The following PFN4 variants were observed in gnomAD, a reference collection of about 807,000 sequenced individuals.
The protein encoded by PFN4 is profilin-4.
Under a neutral mutation model 16.3 loss-of-function variants are expected in PFN4, and 10 were observed. The ratio of observed to expected loss-of-function variants is 0.61; its 90% CI spans 0.38 to 1.04. The LOEUF (loss-of-function observed/expected upper bound fraction) is 1.04. PFN4 is among the 50% of genes least tolerant of loss of function. PFN4 has a pLI of 0.01. For synonymous variants in PFN4, 54 were observed against 56.9 expected (o/e 0.95, Z 0.23); for missense variants, 136 against 153.6 (o/e 0.89, Z 0.61).
In PFN4 at chr2:24,114,873, T is replaced by G. The variant is rs1422734650; in HGVS notation, c.*710A>C. On this transcript the variant is annotated 3_prime_UTR_variant, in exon 5 of 5. Coordinates refer to ENST00000313213, the MANE Select transcript of PFN4 (RefSeq NM_199346.3). ...GCATTTAGTGACCATACTGCCTTAC[T>G]AAGGTGTGCAGTGAGAGTTAGGGTT... 1.3e-5 allele frequency among the ~76,000 whole-genome samples: 2 copies of G among 152,190 alleles called. No homozygotes were observed. Among genetic ancestry groups the G allele is most frequent in the Admixed American group, 6.5e-5 (1 of 15,284 alleles).
chr2:24,120,562 AT>A (rs1455242098), intron 3 of PFN4, among the ~76,000 whole-genome samples: 2 of 139,436 alleles, frequency 1.4e-5, no homozygotes, highest in East Asian at 2.0e-4. Flanking sequence ...TTTTTTTAAA[AT>A]TTTTTTTTTG....
chr2:24,122,580 T>G (rs1373245343), intron 1 of PFN4, 33 bp from the exon 2 acceptor site: 2 of 1,343,290 alleles, frequency 1.5e-6, no homozygotes, highest in Non-Finnish European at 2.1e-6. Flanking sequence ...AGCCATTGAC[T>G]CTGGCTAGCT....
chr2:24,121,446 T>TA (rs1666116195), intron 2 of PFN4, 146 bp from the exon 3 acceptor site: 1 of 711,522 alleles, frequency 1.4e-6, no homozygotes, highest in Admixed American at 3.1e-5. Flanking sequence ...ATCAAAAGAA[T>TA]AACACTTCGT....
At chr2:24,118,403 C>T (rs751931162) in intron 4 of PFN4, among the ~76,000 whole-genome samples, 5 of 152,184 alleles carry the variant, frequency 3.3e-5, no homozygotes, top group South Asian at 2.1e-4. Flanking sequence ...AGCTCTCTGG[C>T]GCCTTCCCTG....
In PFN4 at chr2:24,121,207, A is replaced by G; in HGVS notation, c.211T>C (p.Tyr71His). 6.2e-7 allele frequency: 1 copy of G among 1,614,196 alleles called. No homozygotes were observed. The highest frequency in any genetic ancestry group is 1.3e-5 in the African/African-American group (1 of 75,056). The part of the protein sequence containing the change: ...REGLYFKGKD[Y>H]RCVRADEYSL... Reference sequence around the variant, plus strand: ...TATTCATCTGCCCGGACACATCTGTAATCTTTTCCCTTGAAATACAGTCCT... The same window carrying G: ...TATTCATCTGCCCGGACACATCTGTGATCTTTTCCCTTGAAATACAGTCCT... The change falls in exon 3 of 5, where the codon TAC (tyrosine) becomes CAC (histidine). Residue 71 changes from tyrosine to histidine, a missense_variant. Physicochemically the swap from Tyr to His is moderately conservative, Grantham distance 83 (BLOSUM62 2). Transcript: ENST00000313213.
chr2:24,118,214 T>C lies in PFN4; in HGVS notation c.361+1363A>G, dbSNP rs565407246. 3.9e-5 allele frequency among the ~76,000 whole-genome samples: 6 copies of C among 152,336 alleles called. No individual in the cohort carries two copies. The South Asian group carries it at 1.2e-3, about 32-fold the overall frequency. ...TAATTAGATAATTAACCTGGCTCTCTATGTCTCTGTTCTGCTCTCTGCTCC... is the reference window on the plus strand; with the variant it reads ...TAATTAGATAATTAACCTGGCTCTCCATGTCTCTGTTCTGCTCTCTGCTCC... On this transcript the variant is annotated intron_variant, in intron 4 of 4. Transcript: ENST00000313213.
At position 24,119,668 on chromosome 2, in the gene PFN4, C is replaced by T. The variant is rs1217668709; in HGVS notation, c.270G>A (p.Val90=). 1 of 1,611,210 alleles carries T rather than the reference C, an allele frequency of 6.2e-7. No homozygotes were observed. Among genetic ancestry groups the T allele is most frequent in the African/African-American group, 1.3e-5 (1 of 74,990 alleles). ...GATACAGATGGGTCTTCACGACAAC[C>T]ACACCAGTGTTCTCCTGTATAAAGA... ...SLYAKNENTG[V]VVVKTHLYLL... The change falls in exon 4 of 5, where the codon GTG becomes GTA. Residue 90 remains valine, a synonymous_variant. Transcript: ENST00000313213.
In PFN4 at chr2:24,114,827, G is replaced by T. The variant is rs917959147; in HGVS notation, c.*756C>A. Among the ~76,000 whole-genome samples, 3 of 152,198 alleles carry T rather than the reference G, an allele frequency of 2.0e-5. No homozygotes were observed. Among genetic ancestry groups the T allele is most frequent in the Non-Finnish European group, 4.4e-5 (3 of 68,040 alleles). On this transcript the variant is annotated 3_prime_UTR_variant, in exon 5 of 5. Transcript: ENST00000313213. ...ATCACCTAGGAGACCAAGAGGAGAT[G>T]AACTCTTTCTGGGGAAGGGTGCATT...
At chr2:24,117,800 G>C (rs796499964) in intron 4 of PFN4, among the ~76,000 whole-genome samples, 2 of 152,078 alleles carry the variant, frequency 1.3e-5, no homozygotes, top group South Asian at 4.1e-4. Context: ...TTTAGATAGA[G>C]AAAAATATTT....
At chr2:24,120,288 A>G (rs993719273) in intron 3 of PFN4, among the ~76,000 whole-genome samples, 4 of 151,318 alleles carry the variant, frequency 2.6e-5, no homozygotes, top group Non-Finnish European at 5.9e-5. Flanking sequence ...AACAACAACA[A>G]AACAAAACAA....
chr2:24,119,401 C>T (rs552753030), intron 4 of PFN4, among the ~76,000 whole-genome samples, 176 bp downstream of exon 4: 1 of 152,306 alleles, frequency 6.6e-6, no homozygotes, highest in East Asian at 1.9e-4. Context: ...CTGAATCTAC[C>T]TTCCCCATGG....
chr2:24,117,912 A>G (rs1665977441), intron 4 of PFN4, among the ~76,000 whole-genome samples: 1 of 152,232 alleles, frequency 6.6e-6, no homozygotes, highest in Non-Finnish European at 1.5e-5. Context: ...ACCATTTCCA[A>G]GATAGCTGTC....
chr2:24,119,458 A>G, intron 4 of PFN4, 119 bp downstream of exon 4: 1 of 692,276 alleles, frequency 1.4e-6, no homozygotes, highest in South Asian at 1.9e-5. Context: ...TAACCTCAGC[A>G]TCCTTCCAAT....
chr2:24,117,811 T>C (rs1490257888), intron 4 of PFN4, among the ~76,000 whole-genome samples: 1 of 152,210 alleles, frequency 6.6e-6, no homozygotes, highest in Non-Finnish European at 1.5e-5. Flanking sequence ...AAAAATATTT[T>C]TTTAAAAAGG....
Position 24,121,372 on chromosome 2 carries a change from C to A in PFN4, c.118-72G>T, listed in dbSNP as rs1573753598. The A allele has an allele frequency of 2.7e-6, 4 of 1,469,920 alleles. No homozygotes were observed. The East Asian group carries it at 7.0e-5, about 26-fold the overall frequency. 91.1% of individuals were successfully genotyped at this position (1,469,920 alleles called of 1,614,324 possible). A position where few individuals can be genotyped will look rare whatever the true frequency, so the allele number is the denominator to read the frequency against. ...GTGGCCAGCCAAATTTAGCCCACTA[C>A]CTGTTTTTTATGGCCTGCAAGCTAA... On this transcript the variant is annotated intron_variant, in intron 2 of 4. Coordinates refer to ENST00000313213, the MANE Select transcript of PFN4 (RefSeq NM_199346.3).
intron 3 of PFN4, among the ~76,000 whole-genome samples, chr2:24,120,034 C>A (rs564431479): frequency 6.6e-6 from 1 of 152,180 alleles, no homozygotes; most frequent in South Asian, 2.1e-4. Flanking sequence ...TTTGGGAGGC[C>A]AAGGCAGAAA....
chr2:24,119,486 C>A, intron 4 of PFN4, 91 bp downstream of exon 4: 1 of 882,880 alleles, frequency 1.1e-6, no homozygotes, highest in East Asian at 2.5e-5. Context: ...TCCTTTCTGC[C>A]CTAGCTGGTT....
At chr2:24,120,624 C>T (rs2339944) in intron 3 of PFN4, among the ~76,000 whole-genome samples, 205 of 152,184 alleles carry the variant, frequency 1.3e-3, no homozygotes, top group African/African-American at 4.4e-3. Context: ...GGCACGATCT[C>T]GGCTCACTGC....
intron 4 of PFN4, among the ~76,000 whole-genome samples, chr2:24,117,900 C>T (rs1013708380): frequency 5.3e-5 from 8 of 152,214 alleles, no homozygotes; most frequent in African/African-American, 1.9e-4. Flanking sequence ...CCTGATCATA[C>T]GACCATTTCC....
Sources: allele counts gnomAD v4.1 joint callset (sites outside exome capture counted in the v4.1 genomes callset), GRCh38; gene constraint gnomAD v4.1.1; transcripts MANE v1.5; gene names NCBI Gene and HGNC (gene_info 2026-07-23, HGNC 2026-07-21).